The following NUMB variants were observed in gnomAD, a reference collection of about 807,000 sequenced individuals.
NUMB encodes protein numb homolog.
In NUMB, 29 loss-of-function variants were observed where a neutral mutation model predicts 59.7. The observed-to-expected ratio is 0.49, with a 90% CI of 0.36 to 0.66. The LOEUF (loss-of-function observed/expected upper bound fraction) is 0.66. Among genes scored for constraint, NUMB ranks in the 30% least tolerant of loss-of-function variants. NUMB has a pLI of 0.00. For missense variants in NUMB, 723 were observed against 822.0 expected, an observed-to-expected ratio of 0.88 and a Z score of 1.47; for synonymous variants, 288 against 288.2, an observed-to-expected ratio of 1.00 and a Z score of 0.01.
In NUMB at chr14:73,276,675, C is replaced by G; in HGVS notation, c.1859G>C (p.Trp620Ser). Residue 620 changes from tryptophan to serine, a missense_variant, in exon 13 of 13, where the codon TGG becomes TCG. Trp to Ser is a radical substitution (Grantham distance 177). Coordinates refer to ENST00000555238, the MANE Select transcript of NUMB (RefSeq NM_001005743.2). ...CTTGGACTTATTTTCTAATGCAGCCCACTGGGCTTCAAAAGGATCCACTGG... is the reference window on the plus strand; with the variant it reads ...CTTGGACTTATTTTCTAATGCAGCCGACTGGGCTTCAAAAGGATCCACTGG... The part of the protein sequence containing the change: ...TCPVDPFEAQ[W>S]AALENKSKQR... 1 of 1,614,150 alleles carries G rather than the reference C, an allele frequency of 6.2e-7. No homozygotes were observed.
chr14:73,292,639 TA>T, intron 8 of NUMB, 94 bp downstream of exon 8: 1 of 1,272,210 alleles, frequency 7.9e-7, no homozygotes, highest in Non-Finnish European at 1.1e-6. Context: ...AAGTACTTGT[TA>T]AAAATGTAGT....
intron 4 of NUMB, among the ~76,000 whole-genome samples, chr14:73,352,342 A>G (rs1019182934): frequency 1.3e-5 from 2 of 150,216 alleles, no homozygotes; most frequent in Non-Finnish European, 3.0e-5. Context: ...CTGATCCTAT[A>G]GTCTAGGATC....
chr14:73,376,591 T>C (rs539557628), intron 2 of NUMB, among the ~76,000 whole-genome samples: 2 of 150,278 alleles, frequency 1.3e-5, no homozygotes, highest in Admixed American at 6.6e-5. Flanking sequence ...AGACCCAGAA[T>C]AGCCAACTCA....
intron 2 of NUMB, among the ~76,000 whole-genome samples, chr14:73,394,449 G>A (rs1163259813): frequency 6.7e-6 from 1 of 148,208 alleles, no homozygotes; most frequent in African/African-American, 2.5e-5. Context: ...TCACTCTGTT[G>A]CCCAGGCTGA....
In NUMB at chr14:73,276,965, A is replaced by G. The variant is rs771014865; in HGVS notation, c.1569T>C (p.Asn523=). ...VANGMPYPAP[N]VPVVGITPSQ... ...AGGGAGTGATGCCCACCACAGGCAC[A>G]TTAGGGGCTGGATAGGGCATTCCAT... is the stretch of plus-strand genomic sequence containing the variant. The change falls in exon 13 of 13, where the codon AAT becomes AAC. Residue 523 remains asparagine, a synonymous_variant. Coordinates refer to ENST00000555238, the MANE Select transcript of NUMB (RefSeq NM_001005743.2). 3.2e-5 allele frequency: 52 copies of G among 1,614,064 alleles called. No individual in the cohort carries two copies. The highest frequency in any genetic ancestry group is 4.2e-6 in the Non-Finnish European group (5 of 1,180,044).
Position 73,282,482 on chromosome 14 carries a change from C to G in NUMB, c.973G>C (p.Glu325Gln). The change falls in exon 11 of 13, where the codon GAG becomes CAG. Residue 325 changes from glutamate (E) to glutamine (Q), a missense_variant. Coordinates refer to ENST00000555238, the MANE Select transcript of NUMB (RefSeq NM_001005743.2). ...NAVPEVEGEA[E>Q]SISSLCSQIT... is the part of the protein sequence containing the mutation. Reference sequence around the variant, plus strand: ...TGTGAGCACAGGGAGCTGATGCTCTCTGCCTCCCCTTCTACTTCTGGCACT... The same window carrying G: ...TGTGAGCACAGGGAGCTGATGCTCTGTGCCTCCCCTTCTACTTCTGGCACT... The G allele has an allele frequency of 6.2e-7, 1 of 1,613,930 alleles. No individual in the cohort carries two copies. The highest frequency in any genetic ancestry group is 8.5e-7 in the Non-Finnish European group (1 of 1,179,934).
At chr14:73,377,372 T>A (rs1367988286) in intron 2 of NUMB, among the ~76,000 whole-genome samples, 4 of 152,158 alleles carry the variant, frequency 2.6e-5, no homozygotes, top group Admixed American at 2.0e-4. Flanking sequence ...GTATAGTGGG[T>A]CATGCCTGTA....
At position 73,368,540 on chromosome 14, in the gene NUMB, G is replaced by A. The variant is rs147964171; in HGVS notation, c.-100-1559C>T. Among the ~76,000 whole-genome samples the A allele has an allele frequency of 3.6e-3, 541 of 151,418 alleles. 1 individual carries two copies. Among genetic ancestry groups the A allele is most frequent in the Middle Eastern group, 6.8e-3 (2 of 294 alleles). On this transcript the variant is annotated intron_variant, in intron 2 of 12. Transcript: ENST00000555238. ...GGAGGTTACAGTGAGCCGAGATCGC[G>A]CCATTGCACTCCAGCCTGGGCAACA...
chr14:73,328,249 T>C (rs897470613), intron 4 of NUMB, among the ~76,000 whole-genome samples: 20 of 144,610 alleles, frequency 1.4e-4, no homozygotes, highest in African/African-American at 3.1e-4. Flanking sequence ...CACTCCAGCC[T>C]GGGAGACAGA....
intron 1 of NUMB, among the ~76,000 whole-genome samples, chr14:73,449,492 C>G (rs1361873496): frequency 6.6e-6 from 1 of 151,640 alleles, no homozygotes; most frequent in Non-Finnish European, 1.5e-5. Context: ...GGTTTTCTTT[C>G]CAAATATTTT....
At chr14:73,412,027 T>C (rs1189311430) in intron 1 of NUMB, among the ~76,000 whole-genome samples, 2 of 148,746 alleles carry the variant, frequency 1.3e-5, no homozygotes, top group Admixed American at 1.4e-4. Context: ...TGGGCTCAAG[T>C]GATCCTCCCA....
rs373940841 is a variant in NUMB at position 73,412,660 on chromosome 14, T to C, written c.-232-2592A>G. Among the ~76,000 whole-genome samples the C allele has an allele frequency of 5.1e-4, 73 of 142,986 alleles. 1 individual carries two copies. In the East Asian group the frequency reaches 9.1e-3, roughly 18 times the overall value. 93.8% of individuals were successfully genotyped at this position (142,986 alleles called of 152,430 possible). ...AAAAAAAAAAAAAAAAGAGATGGGG[T>C]GTCTTGCTCTGTTGCCTGGAGAGCC... On this transcript the variant is annotated intron_variant, in intron 1 of 12. Transcript: ENST00000555238.
intron 11 of NUMB, chr14:73,282,132 T>G: frequency 2.2e-6 from 1 of 449,084 alleles, no homozygotes. Context: ...TAGAATGGGG[T>G]GAAAGATGGG....
chr14:73,442,970 C>G (rs1211615915), intron 1 of NUMB, among the ~76,000 whole-genome samples: 2 of 152,180 alleles, frequency 1.3e-5, no homozygotes, highest in Non-Finnish European at 2.9e-5. Context: ...TCAAGTGATC[C>G]TCCTGCCTCA....
Position 73,350,023 on chromosome 14 carries a change from C to T in NUMB, c.126+5603G>A, listed in dbSNP as rs186584497. 6.6e-5 allele frequency among the ~76,000 whole-genome samples: 10 copies of T among 150,552 alleles called. No individual in the cohort carries two copies. In the East Asian group the frequency reaches 1.7e-3, roughly 26 times the overall value. On this transcript the variant is annotated intron_variant, in intron 4 of 12. Coordinates refer to ENST00000555238, the MANE Select transcript of NUMB (RefSeq NM_001005743.2). Reference sequence around the variant, plus strand: ...TTGCACCACTGCACTCCAGCCTGGGCGAGAGTGAGGCTCTGTCTCACATAC... The same window carrying T: ...TTGCACCACTGCACTCCAGCCTGGGTGAGAGTGAGGCTCTGTCTCACATAC...
intron 1 of NUMB, among the ~76,000 whole-genome samples, chr14:73,455,551 G>A (rs1207781925): frequency 6.6e-6 from 1 of 152,152 alleles, no homozygotes; most frequent in Non-Finnish European, 1.5e-5. Flanking sequence ...GATTTACTTT[G>A]TAGTTAAGCC....
In NUMB at chr14:73,305,820, C is replaced by T. The variant is rs543950834; in HGVS notation, c.235-8535G>A. 6.6e-5 allele frequency among the ~76,000 whole-genome samples: 10 copies of T among 152,260 alleles called. No homozygotes were observed. The South Asian group carries it at 2.1e-3, about 32-fold the overall frequency. On this transcript the variant is annotated intron_variant, in intron 6 of 12. Coordinates refer to ENST00000555238, the MANE Select transcript of NUMB (RefSeq NM_001005743.2). Reference sequence around the variant, plus strand: ...TGTAAAGAATCACTGGTCAGTCTTTCCGTCACATCTACACAGAGGCAGGCA... The same window carrying T: ...TGTAAAGAATCACTGGTCAGTCTTTTCGTCACATCTACACAGAGGCAGGCA...
intron 2 of NUMB, among the ~76,000 whole-genome samples, chr14:73,390,761 T>C (rs1229733938): frequency 7.0e-6 from 1 of 142,858 alleles, no homozygotes; most frequent in African/African-American, 2.6e-5. Flanking sequence ...GCAATTCTCC[T>C]GCCTCTGTAT....
intron 1 of NUMB, among the ~76,000 whole-genome samples, chr14:73,423,406 A>G (rs1897440022): frequency 6.6e-6 from 1 of 151,776 alleles, no homozygotes; most frequent in South Asian, 2.1e-4. Context: ...TGGGAGACCG[A>G]GGCAGGCGGA....
Sources: gnomAD v4.1 joint callset for allele counts (sites outside exome capture counted in the v4.1 genomes callset) on GRCh38, gnomAD v4.1.1 for gene constraint, MANE v1.5 for transcripts, NCBI Gene and HGNC (gene_info 2026-07-23, HGNC 2026-07-21) for gene names.